The following TMEM272 variants were observed in gnomAD, a reference collection of about 807,000 sequenced individuals.
The protein encoded by TMEM272 is long intergenic non-protein coding RNA 282.
In TMEM272, 8 loss-of-function variants were observed where a neutral mutation model predicts 3.7. The observed-to-expected ratio is 2.17, with a 90% CI of 1.27 to 3.91. TMEM272 has a LOEUF of 3.91. TMEM272 is among the 30% of genes most tolerant of loss of function. TMEM272 has a pLI of 0.00. For missense variants in TMEM272, 166 were observed against 91.5 expected (o/e 1.81, Z -3.32); for synonymous variants, 63 against 39.8 (o/e 1.58, Z -2.20).
chr13:51,824,656 A>G (rs960454770), intron 3 of TMEM272, among the ~76,000 whole-genome samples: 1 of 152,186 alleles, frequency 6.6e-6, no homozygotes, highest in Non-Finnish European at 1.5e-5. Flanking sequence ...AGTTAAGTTC[A>G]TTTGAAAGAT....
At chr13:51,888,491 A>G in the TMEM272 span, among the ~76,000 whole-genome samples, 23 of 152,318 alleles carry the variant, frequency 1.5e-4, no homozygotes, top group Middle Eastern at 3.4e-3. Context: ...ATAGATGCAT[A>G]TAAGATTTGC....
At chr13:51,899,672 A>T in the TMEM272 span, among the ~76,000 whole-genome samples, 1 of 152,204 alleles carries the variant, frequency 6.6e-6, no homozygotes, top group Non-Finnish European at 1.5e-5. Flanking sequence ...ATAAAAATGC[A>T]AGGGATCCAG....
chr13:51,829,804 C>A (rs189861210), intron 2 of TMEM272, among the ~76,000 whole-genome samples: 24 of 152,152 alleles, frequency 1.6e-4, no homozygotes, highest in Admixed American at 4.6e-4. Context: ...AATATGCCAC[C>A]CCAAACTCTG....
At chr13:51,904,028 A>G in the TMEM272 span, among the ~76,000 whole-genome samples, 2 of 151,702 alleles carry the variant, frequency 1.3e-5, no homozygotes, top group Non-Finnish European at 2.9e-5. Context: ...CTTAACAAAA[A>G]TACATTCACA....
the TMEM272 span, among the ~76,000 whole-genome samples, chr13:51,906,595 CAGG>C: frequency 6.6e-6 from 1 of 152,182 alleles, no homozygotes; most frequent in Non-Finnish European, 1.5e-5. Context: ...TGCATTTCTA[CAGG>C]AGAAGTTCTA....
intron 2 of TMEM272, among the ~76,000 whole-genome samples, chr13:51,829,875 G>T (rs1956158287): frequency 6.6e-6 from 1 of 152,122 alleles, no homozygotes; most frequent in Non-Finnish European, 1.5e-5. Flanking sequence ...GATGGAAGAA[G>T]GGTACTCTGA....
At chr13:51,879,191 A>G in the TMEM272 span, among the ~76,000 whole-genome samples, 1 of 152,186 alleles carries the variant, frequency 6.6e-6, no homozygotes, top group African/African-American at 2.4e-5. Context: ...GAAAAAAAGA[A>G]CAAAACACAC....
chr13:51,865,885 C>T, the TMEM272 span: 1 of 1,613,526 alleles, frequency 6.2e-7, no homozygotes. Flanking sequence ...AGGAAAGAGC[C>T]CTCCTTGAGG....
the TMEM272 span, chr13:51,909,013 A>C: frequency 6.8e-7 from 1 of 1,465,900 alleles, no homozygotes; most frequent in African/African-American, 1.4e-5. Flanking sequence ...CCCTCCAACA[A>C]AGTCGGAAGA....
At chr13:51,910,405 C>T in the TMEM272 span, 1 of 1,028,700 alleles carries the variant, frequency 9.7e-7, no homozygotes, top group South Asian at 1.3e-5. Flanking sequence ...TTCTCTCTTC[C>T]CACATAAAGC....
intron 3 of TMEM272, among the ~76,000 whole-genome samples, chr13:51,823,343 C>A (rs1230963947): frequency 6.6e-6 from 1 of 152,224 alleles, no homozygotes; most frequent in Non-Finnish European, 1.5e-5. Flanking sequence ...CCTCCCAAAG[C>A]GTGGGATTAC....
chr13:51,847,087 T>TA (rs1406574859), upstream of TMEM272, among the ~76,000 whole-genome samples: 2 of 152,230 alleles, frequency 1.3e-5, no homozygotes, highest in Non-Finnish European at 2.9e-5. Context: ...ACACAATGTT[T>TA]AGATACACAA....
At chr13:51,821,968 G>A in intron 4 of TMEM272, 87 bp downstream of exon 4, 1 of 700,348 alleles carries the variant, frequency 1.4e-6, no homozygotes, top group South Asian at 1.5e-5. Context: ...TCTCCCCTGT[G>A]AATAGCAGGC....
chr13:51,853,554 CA>C, the TMEM272 span, among the ~76,000 whole-genome samples: 1 of 152,172 alleles, frequency 6.6e-6, no homozygotes, highest in African/African-American at 2.4e-5. Flanking sequence ...CTTCTTGTCT[CA>C]GGGGTGACAG....
intron 3 of TMEM272, among the ~76,000 whole-genome samples, chr13:51,825,868 C>T (rs1010495567): frequency 1.3e-5 from 2 of 152,080 alleles, no homozygotes; most frequent in Non-Finnish European, 2.9e-5. Flanking sequence ...CTCAGCCCCA[C>T]TAACTGCTGG....
chr13:51,859,580 A>ATGAT, the TMEM272 span, among the ~76,000 whole-genome samples: 1 of 151,462 alleles, frequency 6.6e-6, no homozygotes, highest in Admixed American at 6.6e-5. Flanking sequence ...AGGAGACATC[A>ATGAT]GTTCATGGAG....
At chr13:51,916,081 G>GA in the TMEM272 span, among the ~76,000 whole-genome samples, 6 of 151,874 alleles carry the variant, frequency 4.0e-5, no homozygotes, top group Non-Finnish European at 5.9e-5. Flanking sequence ...TCAAAAAGAA[G>GA]AAAAAAAATC....
chr13:51,922,739 G>A, the TMEM272 span, among the ~76,000 whole-genome samples: 1 of 152,218 alleles, frequency 6.6e-6, no homozygotes, highest in Non-Finnish European at 1.5e-5. Flanking sequence ...GGTCCTTCTG[G>A]AGGCTCCAAG....
chr13:51,826,985 C>T (rs1328548231), intron 2 of TMEM272, among the ~76,000 whole-genome samples: 1 of 152,226 alleles, frequency 6.6e-6, no homozygotes, highest in Non-Finnish European at 1.5e-5. Context: ...CAGGATTCAC[C>T]CTGTGCTTCC....
Sources: gnomAD v4.1 joint callset for allele counts (sites outside exome capture counted in the v4.1 genomes callset) on GRCh38, gnomAD v4.1.1 for gene constraint, MANE v1.5 for transcripts, NCBI Gene and HGNC (gene_info 2026-07-23, HGNC 2026-07-21) for gene names.